Variants in MAGEC3 observed in about 807,000 individuals in gnomAD.
MAGEC3 encodes the protein melanoma-associated antigen C3.
A neutral mutation model predicts 35.3 loss-of-function variants in MAGEC3; 34 were observed. The ratio of observed to expected loss-of-function variants is 0.96; its 90% CI spans 0.73 to 1.28. The LOEUF is 1.28. MAGEC3 is among the 50% of genes most tolerant of loss of function. MAGEC3 has a pLI of 0.00. For missense variants in MAGEC3, 561 were observed against 483.6 expected (o/e 1.16, Z -1.50); for synonymous variants, 202 against 185.6 (o/e 1.09, Z -0.72).
At position 141,893,341 on chromosome X, in the gene MAGEC3, A is replaced by G. The variant is rs12393196; in HGVS notation, c.910-1928A>G. On this transcript the variant is annotated intron_variant, in intron 4 of 7. Coordinates refer to ENST00000298296, the MANE Select transcript of MAGEC3 (RefSeq NM_138702.1). ...ATGATTCCAATCATACAATATTTAG[A>G]AACAGTTCATTATGAATACACTAAA... Among the ~76,000 whole-genome samples, 691 of 111,873 alleles carry G rather than the reference A, an allele frequency of 6.2e-3. 7 individuals are homozygous for G. The highest frequency in any genetic ancestry group is 0.022 in the African/African-American group (666 of 30,718).
intron 1 of MAGEC3, among the ~76,000 whole-genome samples, chrX:141,859,092 A>G (rs2017799617): frequency 9.2e-6 from 1 of 108,696 alleles, no homozygotes; most frequent in South Asian, 3.9e-4. Flanking sequence ...TTTTTTTTCA[A>G]ATTAACTTCC....
intron 2 of MAGEC3, 109 bp from the exon 3 acceptor site, chrX:141,879,066 C>T (rs1603070684): frequency 7.5e-6 from 7 of 937,628 alleles, no homozygotes; most frequent in Non-Finnish European, 1.0e-5. Flanking sequence ...TGCACAGAGG[C>T]AGGAAGGCCA....
intron 2 of MAGEC3, among the ~76,000 whole-genome samples, chrX:141,876,489 T>A (rs1284620247): frequency 8.9e-6 from 1 of 111,786 alleles, no homozygotes; most frequent in African/African-American, 3.3e-5. Flanking sequence ...CTTTGACTCT[T>A]ATCTTACTTC....
chrX:141,876,541 T>A (rs1328802316), intron 2 of MAGEC3, among the ~76,000 whole-genome samples: 1 of 112,038 alleles, frequency 8.9e-6, no homozygotes, highest in African/African-American at 3.2e-5. Flanking sequence ...CCTCTTTCAG[T>A]GCTTTCAAAT....
chrX:141,872,521 A>G (rs2017894765), intron 2 of MAGEC3, among the ~76,000 whole-genome samples: 1 of 111,553 alleles, frequency 9.0e-6, no homozygotes, highest in African/African-American at 3.3e-5. Context: ...GCTTAGTCCC[A>G]CTGGTTCTCT....
chrX:141,845,546 A>C lies in MAGEC3; in HGVS notation c.123+7108A>C, dbSNP rs1030670586. 1.3e-4 allele frequency among the ~76,000 whole-genome samples: 14 copies of C among 111,360 alleles called. No homozygotes were observed. The Admixed American group carries it at 1.3e-3, about 11-fold the overall frequency. On this transcript the variant is annotated intron_variant, in intron 1 of 7. Transcript: ENST00000298296. Reference sequence around the variant, plus strand: ...GAAGTTATGCTTGAGGTGTAAATGTATTAAGTGAATATATCTCTACTGACA... The same window carrying C: ...GAAGTTATGCTTGAGGTGTAAATGTCTTAAGTGAATATATCTCTACTGACA...
At chrX:141,879,143 T>C in intron 2 of MAGEC3, 32 bp from the exon 3 acceptor site, 1 of 1,143,073 alleles carries the variant, frequency 8.7e-7, no homozygotes, top group Non-Finnish European at 1.2e-6. Flanking sequence ...TGACTGGTAG[T>C]GCCCCTCCCC....
intron 2 of MAGEC3, among the ~76,000 whole-genome samples, chrX:141,872,744 T>A (rs991538421): frequency 8.1e-5 from 9 of 111,780 alleles, no homozygotes; most frequent in Non-Finnish European, 1.7e-4. Flanking sequence ...GAGTGAAATA[T>A]CCACTGCAGG....
At chrX:141,891,674 T>C (rs1267072666) in intron 4 of MAGEC3, among the ~76,000 whole-genome samples, 3 of 104,686 alleles carry the variant, frequency 2.9e-5, no homozygotes, top group African/African-American at 1.0e-4. Context: ...TGTATATATA[T>C]ATGCATATAT....
At chrX:141,860,603 A>G (rs1052832395) in intron 1 of MAGEC3, among the ~76,000 whole-genome samples, 3 of 112,263 alleles carry the variant, frequency 2.7e-5, no homozygotes, top group Non-Finnish European at 5.6e-5. Flanking sequence ...CAACCCGTAG[A>G]ATATTGTTCC....
chrX:141,873,970 A>G (rs1265437177), intron 2 of MAGEC3, among the ~76,000 whole-genome samples: 6 of 112,341 alleles, frequency 5.3e-5, no homozygotes, highest in Admixed American at 3.8e-4. Context: ...AGGTCTTACT[A>G]TAAAGTTACG....
In MAGEC3 at chrX:141,859,178, G is replaced by T. The variant is rs963530351; in HGVS notation, c.124-6293G>T. On this transcript the variant is annotated intron_variant, in intron 1 of 7. Coordinates refer to ENST00000298296, the MANE Select transcript of MAGEC3 (RefSeq NM_138702.1). ...TCTGAATTAGTTTGCTAATAAGTGA[G>T]GGTTGTATCTTTCTATATTAATAAG... 3.6e-5 allele frequency among the ~76,000 whole-genome samples: 4 copies of T among 109,691 alleles called. No individual in the cohort carries two copies. In the Admixed American group the frequency reaches 3.9e-4, roughly 11 times the overall value.
intron 3 of MAGEC3, chrX:141,880,803 C>G (rs1219787454): frequency 1.9e-6 from 2 of 1,058,672 alleles, no homozygotes; most frequent in African/African-American, 3.7e-5. Context: ...ACCCGTGAGG[C>G]CCTAGAGCAC....
intron 1 of MAGEC3, among the ~76,000 whole-genome samples, chrX:141,843,764 A>G (rs1161880780): frequency 1.8e-5 from 2 of 110,869 alleles, no homozygotes; most frequent in African/African-American, 6.5e-5. Context: ...GCGTGCCCCC[A>G]TAGGGTTTTT....
chrX:141,841,074 TTTC>T (rs757112359), intron 1 of MAGEC3, among the ~76,000 whole-genome samples: 27 of 111,149 alleles, frequency 2.4e-4, no homozygotes, highest in Non-Finnish European at 4.3e-4. Context: ...TCTCACTTCT[TTTC>T]TTCTTTCTTC....
chrX:141,855,484 G>T (rs1042847156), intron 1 of MAGEC3, among the ~76,000 whole-genome samples: 2 of 110,180 alleles, frequency 1.8e-5, no homozygotes, highest in African/African-American at 6.6e-5. Flanking sequence ...ACATTTTCAT[G>T]TATCTTTCAC....
chrX:141,877,926 A>G (rs967251809), intron 2 of MAGEC3, among the ~76,000 whole-genome samples: 1 of 112,144 alleles, frequency 8.9e-6, no homozygotes, highest in South Asian at 3.7e-4. Context: ...CAGTATTTGT[A>G]CATTGTTTTT....
Position 141,879,329 on chromosome X carries a change from G to A in MAGEC3, c.413G>A (p.Trp138Ter). The stretch of plus-strand genomic sequence containing the variant: ...CCACTCAACGAGAAGAGAACTCTGT[G>A]GAAGGACAGTGACCTTCCAACATGG... ...DWPLNEKRTL[W>*]KDSDLPTWRR... The change falls in exon 3 of 8, where the codon TGG becomes TAG. Residue 138 changes from tryptophan (W) to a stop codon, truncating the protein, a stop_gained. Transcript: ENST00000298296. LOFTEE classifies it high-confidence loss of function. The A allele has an allele frequency of 8.3e-7, 1 of 1,204,170 alleles. No individual in the cohort carries two copies. The highest frequency in any genetic ancestry group is 1.1e-6 in the Non-Finnish European group (1 of 891,560).
chrX:141,857,066 A>T (rs1007813558), intron 1 of MAGEC3, among the ~76,000 whole-genome samples: 1 of 111,353 alleles, frequency 9.0e-6, no homozygotes, highest in Non-Finnish European at 1.9e-5. Context: ...CCATTAGTAT[A>T]TTCAGTAAAA....
Sources: allele counts gnomAD v4.1 joint callset (sites outside exome capture counted in the v4.1 genomes callset), GRCh38; gene constraint gnomAD v4.1.1; transcripts MANE v1.5; gene names NCBI Gene and HGNC (gene_info 2026-07-23, HGNC 2026-07-21).